ACTL10: variants seen among roughly 807,000 people sequenced by gnomAD.
ACTL10 encodes actin like 10.
For missense variants in ACTL10, 413 were observed against 359.4 expected, an observed-to-expected ratio of 1.15 and a Z score of -1.21; for synonymous variants, 180 against 169.9, an observed-to-expected ratio of 1.06 and a Z score of -0.46.
At position 33,667,984 on chromosome 20, in the gene ACTL10, G is replaced by T. The variant is rs1187204270; in HGVS notation, c.487G>T (p.Val163Leu). 5 of 1,548,268 alleles carry T rather than the reference G, an allele frequency of 3.2e-6. No individual in the cohort carries two copies. In the African/African-American group the frequency reaches 5.5e-5, roughly 17 times the overall value. ...KTLRTRLADTVVLAGGSTLFP... is the reference protein window; with the variant it reads ...KTLRTRLADTLVLAGGSTLFP... ...GCTGCGGACACGCCTGGCAGACACC[G>T]TGGTGCTAGCCGGCGGCTCCACACT... Residue 163 changes from valine to leucine, a missense_variant, in exon 1 of 1, where the codon GTG becomes TTG. Physicochemically the swap from Val to Leu is conservative, Grantham distance 32. Coordinates refer to ENST00000677665, the MANE Select transcript of ACTL10 (RefSeq NM_001024675.2).
In ACTL10 at chr20:33,667,715, C is replaced by T; in HGVS notation, c.218C>T (p.Pro73Leu). ...CCTGACCTCTTGCAGCAGGCCCTGC[C>T]CCGCAAGGCCATCACACATCTCAAG... ...ANPDLLQQAL[P>L]RKAITHLKKR... is the part of the protein sequence containing the mutation. The change falls in exon 1 of 1, where the codon CCC becomes CTC. Residue 73 changes from proline to leucine, a missense_variant. By Grantham distance (98) the Pro-to-Leu change is moderately conservative. Transcript: ENST00000677665. 1 of 1,612,204 alleles carries T rather than the reference C, an allele frequency of 6.2e-7. No individual in the cohort carries two copies. Among genetic ancestry groups the T allele is most frequent in the East Asian group, 2.2e-5 (1 of 44,874 alleles).
At position 33,668,021 on chromosome 20, in the gene ACTL10, T is replaced by C; in HGVS notation, c.524T>C (p.Phe175Ser). The part of the protein sequence containing the change: ...LAGGSTLFPG[F>S]AERLDKELEA... ...GGCGGCTCCACACTGTTTCCTGGCT[T>C]CGCCGAGCGCCTGGACAAGGAGCTG... Residue 175 changes from phenylalanine (F) to serine (S), a missense_variant, in exon 1 of 1, where the codon TTC (phenylalanine) becomes TCC (serine). Phe to Ser is a radical substitution (Grantham distance 155). Coordinates refer to ENST00000677665, the MANE Select transcript of ACTL10 (RefSeq NM_001024675.2). 1 of 1,542,676 alleles carries C rather than the reference T, an allele frequency of 6.5e-7. No homozygotes were observed. Among genetic ancestry groups the C allele is most frequent in the Non-Finnish European group, 8.8e-7 (1 of 1,142,484 alleles).
In ACTL10 at chr20:33,668,259, G is replaced by A. The variant is rs146396955; in HGVS notation, c.*24G>A. On this transcript the variant is annotated 3_prime_UTR_variant, in exon 1 of 1. Transcript: ENST00000677665. ...GAGTCAGGCTGGACTGGGGGGGGTG[G>A]CACTGCGTTGGGGGACAGCTCTCTA... is the stretch of plus-strand genomic sequence containing the variant. The A allele has an allele frequency of 8.0e-5, 125 of 1,554,954 alleles. No individual in the cohort carries two copies. The African/African-American group carries it at 1.2e-3, about 15-fold the overall frequency.
chr20:33,667,637 T>C lies in ACTL10; in HGVS notation c.140T>C (p.Val47Ala). Residue 47 changes from valine to alanine, a missense_variant, in exon 1 of 1, where the codon GTG becomes GCG. Val to Ala is a moderately conservative substitution (Grantham distance 64, BLOSUM62 0). Coordinates refer to ENST00000677665, the MANE Select transcript of ACTL10 (RefSeq NM_001024675.2). ...SWHQATFRLN[V>A]AGSTLSRYLR... is the part of the protein sequence containing the mutation. ...CACCAGGCCACCTTCCGACTGAACG[T>C]GGCAGGCAGCACCCTGTCGCGCTAC... 6.2e-7 allele frequency: 1 copy of C among 1,606,630 alleles called. No homozygotes were observed. Among genetic ancestry groups the C allele is most frequent in the Non-Finnish European group, 8.5e-7 (1 of 1,177,722 alleles).
chr20:33,667,706 A>T lies in ACTL10; in HGVS notation c.209A>T (p.Gln70Leu). The part of the protein sequence containing the change: ...LVAANPDLLQ[Q>L]ALPRKAITHL... ...GCGGCGAACCCTGACCTCTTGCAGC[A>T]GGCCCTGCCCCGCAAGGCCATCACA... The change falls in exon 1 of 1, where the codon CAG (glutamine) becomes CTG (leucine). Residue 70 changes from glutamine to leucine, a missense_variant. Coordinates refer to ENST00000677665, the MANE Select transcript of ACTL10 (RefSeq NM_001024675.2). 1 of 1,612,066 alleles carries T rather than the reference A, an allele frequency of 6.2e-7. No individual in the cohort carries two copies. The highest frequency in any genetic ancestry group is 8.5e-7 in the Non-Finnish European group (1 of 1,179,862).
At position 33,668,209 on chromosome 20, in the gene ACTL10, A is replaced by G. The variant is rs1413370291; in HGVS notation, c.712A>G (p.Arg238Gly). The change falls in exon 1 of 1, where the codon AGG (arginine) becomes GGG (glycine). Residue 238 changes from arginine (R) to glycine (G), a missense_variant. By Grantham distance (125) the Arg-to-Gly change is moderately radical. Coordinates refer to ENST00000677665, the MANE Select transcript of ACTL10 (RefSeq NM_001024675.2). The part of the protein sequence containing the change: ...TRAMYQECGS[R>G]LLYDVFN Reference sequence around the variant, plus strand: ...GGCCATGTACCAGGAGTGTGGCTCCAGGCTGCTGTACGATGTGTTCAACTG... The same window carrying G: ...GGCCATGTACCAGGAGTGTGGCTCCGGGCTGCTGTACGATGTGTTCAACTG... 5.6e-6 allele frequency: 9 copies of G among 1,602,966 alleles called. No individual in the cohort carries two copies. Among genetic ancestry groups the G allele is most frequent in the Non-Finnish European group, 7.7e-6 (9 of 1,174,662 alleles).
In ACTL10 at chr20:33,667,999, G is replaced by A. The variant is rs780154610; in HGVS notation, c.502G>A (p.Gly168Ser). 11 of 1,542,554 alleles carry A rather than the reference G, an allele frequency of 7.1e-6. No individual in the cohort carries two copies. The South Asian group carries it at 1.2e-4, about 17-fold the overall frequency. The change falls in exon 1 of 1, where the codon GGC becomes AGC. Residue 168 changes from glycine (G) to serine (S), a missense_variant. Transcript: ENST00000677665. ...GGCAGACACCGTGGTGCTAGCCGGC[G>A]GCTCCACACTGTTTCCTGGCTTCGC... ...RLADTVVLAG[G>S]STLFPGFAER...
At position 33,667,151 on chromosome 20, in the gene ACTL10, T is replaced by C. The variant is rs1308233011; in HGVS notation, c.-347T>C. 2 of 217,910 alleles carry C rather than the reference T, an allele frequency of 9.2e-6. No individual in the cohort carries two copies. The highest frequency in any genetic ancestry group is 4.6e-5 in the African/African-American group (2 of 43,818). 13.5% of individuals were successfully genotyped at this position (217,910 alleles called of 1,614,324 possible). A position where few individuals can be genotyped will look rare whatever the true frequency, so the allele number is the denominator to read the frequency against. ...TCCCTGGGCCGCATCGCGGTGGTGG[T>C]GGACCAGGGCTCGGGCTTCACCAAG... On this transcript the variant is annotated 5_prime_UTR_variant, in exon 1 of 1. Coordinates refer to ENST00000677665, the MANE Select transcript of ACTL10 (RefSeq NM_001024675.2).
rs972239745 is a variant in ACTL10 at position 33,667,938 on chromosome 20, G to A, written c.441G>A (p.Ala147=). ...EQGLPALAFR[A]LQKMPKTLRT... The stretch of plus-strand genomic sequence containing the variant: ...GGCTGCCCGCGCTGGCCTTCCGGGC[G>A]CTGCAGAAGATGCCCAAAACGCTGC... The change falls in exon 1 of 1, where the codon GCG becomes GCA. Residue 147 remains alanine (A), a synonymous_variant. Coordinates refer to ENST00000677665, the MANE Select transcript of ACTL10 (RefSeq NM_001024675.2). The A allele has an allele frequency of 5.1e-6, 8 of 1,555,908 alleles. No homozygotes were observed. The highest frequency in any genetic ancestry group is 2.4e-5 in the East Asian group (1 of 41,282).
rs372855644 is a variant in ACTL10 at position 33,667,614 on chromosome 20, C to T, written c.117C>T (p.His39=). ...CCATCTACGCGGGTCACTCGTGGCA[C>T]CAGGCCACCTTCCGACTGAACGTGG... The part of the protein sequence containing the change: ...ATPIYAGHSW[H]QATFRLNVAG... The change falls in exon 1 of 1, where the codon CAC becomes CAT. Residue 39 remains histidine, a synonymous_variant. Transcript: ENST00000677665. The T allele has an allele frequency of 3.6e-5, 57 of 1,594,080 alleles. No individual in the cohort carries two copies. Among genetic ancestry groups the T allele is most frequent in the South Asian group, 1.7e-4 (15 of 88,944 alleles).
In ACTL10 at chr20:33,668,214, G is replaced by A; in HGVS notation, c.717G>A (p.Leu239=). The change falls in exon 1 of 1, where the codon CTG becomes CTA. Residue 239 remains leucine, a synonymous_variant. Coordinates refer to ENST00000677665, the MANE Select transcript of ACTL10 (RefSeq NM_001024675.2). The part of the protein sequence containing the change: ...RAMYQECGSR[L]LYDVFN Reference sequence around the variant, plus strand: ...TGTACCAGGAGTGTGGCTCCAGGCTGCTGTACGATGTGTTCAACTGAGTCA... The same window carrying A: ...TGTACCAGGAGTGTGGCTCCAGGCTACTGTACGATGTGTTCAACTGAGTCA... 2 of 1,598,594 alleles carry A rather than the reference G, an allele frequency of 1.3e-6. No homozygotes were observed. The highest frequency in any genetic ancestry group is 1.7e-6 in the Non-Finnish European group (2 of 1,171,870).
Position 33,667,653 on chromosome 20 carries a change from G to A in ACTL10, c.156G>A (p.Leu52=), listed in dbSNP as rs1314105203. 3 of 1,609,634 alleles carry A rather than the reference G, an allele frequency of 1.9e-6. No individual in the cohort carries two copies. Among genetic ancestry groups the A allele is most frequent in the Non-Finnish European group, 2.5e-6 (3 of 1,178,988 alleles). The part of the protein sequence containing the change: ...TFRLNVAGST[L]SRYLRDLLVA... ...GACTGAACGTGGCAGGCAGCACCCT[G>A]TCGCGCTACCTGCGGGATCTGCTGG... The change falls in exon 1 of 1, where the codon CTG becomes CTA. Residue 52 remains leucine (L), a synonymous_variant. Transcript: ENST00000677665.
Position 33,667,861 on chromosome 20 carries a change from C to T in ACTL10, c.364C>T (p.Arg122Cys). 4 of 1,604,958 alleles carry T rather than the reference C, an allele frequency of 2.5e-6. No individual in the cohort carries two copies. The highest frequency in any genetic ancestry group is 3.4e-6 in the Non-Finnish European group (4 of 1,176,172). The change falls in exon 1 of 1, where the codon CGC (arginine) becomes TGC (cysteine). Residue 122 changes from arginine (R) to cysteine (C), a missense_variant. Transcript: ENST00000677665. ...CCVCLSSERF[R>C]CPEPIFQPGL... is the part of the protein sequence containing the mutation. ...CGTCTGCCTCAGCAGTGAGCGCTTC[C>T]GCTGCCCCGAACCCATCTTCCAGCC...
chr20:33,668,009 T>C lies in ACTL10; in HGVS notation c.512T>C (p.Leu171Pro), dbSNP rs1386217027. 1.3e-6 allele frequency: 2 copies of C among 1,542,784 alleles called. No homozygotes were observed. Among genetic ancestry groups the C allele is most frequent in the African/African-American group, 1.4e-5 (1 of 72,810 alleles). The change falls in exon 1 of 1, where the codon CTG becomes CCG. Residue 171 changes from leucine to proline, a missense_variant. By Grantham distance (98) the Leu-to-Pro change is moderately conservative (BLOSUM62 -3). Transcript: ENST00000677665. ...GTGGTGCTAGCCGGCGGCTCCACAC[T>C]GTTTCCTGGCTTCGCCGAGCGCCTG... ...DTVVLAGGSTLFPGFAERLDK... is the reference protein window; with the variant it reads ...DTVVLAGGSTPFPGFAERLDK...
chr20:33,667,904 C>T lies in ACTL10; in HGVS notation c.407C>T (p.Ala136Val). 6.3e-7 allele frequency: 1 copy of T among 1,578,938 alleles called. No individual in the cohort carries two copies. Among genetic ancestry groups the T allele is most frequent in the Non-Finnish European group, 8.6e-7 (1 of 1,163,046 alleles). Residue 136 changes from alanine (A) to valine (V), a missense_variant, in exon 1 of 1, where the codon GCT becomes GTT. Physicochemically the swap from Ala to Val is moderately conservative, Grantham distance 64 (BLOSUM62 0). Transcript: ENST00000677665. ...TTCCAGCCGGGCCTGCTGGGCCAGG[C>T]TGAGCAGGGGCTGCCCGCGCTGGCC... is the stretch of plus-strand genomic sequence containing the variant. ...PIFQPGLLGQ[A>V]EQGLPALAFR...
In ACTL10 at chr20:33,667,896, G is replaced by A. The variant is rs1352548311; in HGVS notation, c.399G>A (p.Leu133=). 4 of 1,584,328 alleles carry A rather than the reference G, an allele frequency of 2.5e-6. No homozygotes were observed. Among genetic ancestry groups the A allele is most frequent in the Non-Finnish European group, 3.4e-6 (4 of 1,165,818 alleles). Residue 133 remains leucine (L), a synonymous_variant, in exon 1 of 1, where the codon CTG becomes CTA. Coordinates refer to ENST00000677665, the MANE Select transcript of ACTL10 (RefSeq NM_001024675.2). ...CPEPIFQPGL[L]GQAEQGLPAL... is the part of the protein sequence containing the mutation. The stretch of plus-strand genomic sequence containing the variant: ...AACCCATCTTCCAGCCGGGCCTGCT[G>A]GGCCAGGCTGAGCAGGGGCTGCCCG...
Position 33,668,503 on chromosome 20 carries a change from A to C in ACTL10, c.*268A>C. The stretch of plus-strand genomic sequence containing the variant: ...GCCCTACTTTATGGCAATAAAGGTG[A>C]TGCCCCACTTGTGTCCATGCCACAG... On this transcript the variant is annotated 3_prime_UTR_variant, in exon 1 of 1. Transcript: ENST00000677665. 9.8e-6 allele frequency: 4 copies of C among 408,118 alleles called. No individual in the cohort carries two copies. Among genetic ancestry groups the C allele is most frequent in the Non-Finnish European group, 1.8e-5 (4 of 223,756 alleles). The allele number at this position is 408,118 out of a possible 1,614,324, so 25.3% of individuals were successfully genotyped here. A position where few individuals can be genotyped will look rare whatever the true frequency, so the allele number is the denominator to read the frequency against.
Position 33,667,547 on chromosome 20 carries a change from G to T in ACTL10, c.50G>T (p.Gly17Val), listed in dbSNP as rs1216722731. 1.3e-6 allele frequency: 2 copies of T among 1,548,792 alleles called. No homozygotes were observed. The highest frequency in any genetic ancestry group is 1.7e-6 in the Non-Finnish European group (2 of 1,148,212). The change falls in exon 1 of 1, where the codon GGG (glycine) becomes GTG (valine). Residue 17 changes from glycine (G) to valine (V), a missense_variant. Transcript: ENST00000677665. ...LALCSTGAFS[G>V]LAVEAGAGVC... is the part of the protein sequence containing the mutation. ...CTCTGCTCCACCGGCGCGTTCAGCG[G>T]GCTGGCCGTGGAGGCGGGCGCGGGC...
chr20:33,667,937 C>T lies in ACTL10; in HGVS notation c.440C>T (p.Ala147Val), dbSNP rs781470759. Residue 147 changes from alanine to valine, a missense_variant, in exon 1 of 1, where the codon GCG becomes GTG. Coordinates refer to ENST00000677665, the MANE Select transcript of ACTL10 (RefSeq NM_001024675.2). ...GGGCTGCCCGCGCTGGCCTTCCGGG[C>T]GCTGCAGAAGATGCCCAAAACGCTG... ...EQGLPALAFR[A>V]LQKMPKTLRT... 5 of 1,556,454 alleles carry T rather than the reference C, an allele frequency of 3.2e-6. No individual in the cohort carries two copies. In the South Asian group the frequency reaches 4.7e-5, roughly 15 times the overall value.
Sources: gnomAD v4.1 joint callset for allele counts on GRCh38, gnomAD v4.1.1 for gene constraint, MANE v1.5 for transcripts, NCBI Gene and HGNC (gene_info 2026-07-23, HGNC 2026-07-21) for gene names.